The following FAAH2 variants were observed in gnomAD, a reference collection of about 807,000 sequenced individuals.
FAAH2 encodes fatty-acid amide hydrolase 2.
In FAAH2, 60 loss-of-function variants were observed where a neutral mutation model predicts 36.9. The observed-to-expected ratio is 1.63, with a 90% CI of 1.32 to 2.02. The LOEUF (loss-of-function observed/expected upper bound fraction) is 2.02, where lower values mean the gene tolerates loss of function less well. FAAH2 is among the 30% of genes most tolerant of loss of function. FAAH2 has a pLI of 0.00. For synonymous variants in FAAH2, 214 were observed against 143.8 expected (o/e 1.49, Z -3.49); for missense variants, 689 against 397.5 (o/e 1.73, Z -6.23).
At chrX:57,451,201 A>C (rs2056777591) in intron 10 of FAAH2, among the ~76,000 whole-genome samples, 1 of 111,582 alleles carries the variant, frequency 9.0e-6, no homozygotes, top group Non-Finnish European at 1.9e-5. Flanking sequence ...GAGGCTGAAC[A>C]GGGTCTCTCA....
intron 5 of FAAH2, among the ~76,000 whole-genome samples, chrX:57,350,939 A>G (rs888265470): frequency 9.0e-6 from 1 of 111,475 alleles, no homozygotes; most frequent in Non-Finnish European, 1.9e-5. Context: ...TGTCAAGACA[A>G]AAATTCAACA....
the FAAH2 span, among the ~76,000 whole-genome samples, chrX:57,214,992 C>A: frequency 9.3e-6 from 1 of 107,922 alleles, no homozygotes; most frequent in East Asian, 2.9e-4. Context: ...TTCTGTACAG[C>A]AAAAGAAACT....
chrX:57,178,821 G>A, the FAAH2 span, among the ~76,000 whole-genome samples: 2 of 111,686 alleles, frequency 1.8e-5, no homozygotes, highest in East Asian at 5.6e-4. Context: ...AGCTACTTGG[G>A]TTCCAGGCAG....
At chrX:57,189,093 C>T in the FAAH2 span, among the ~76,000 whole-genome samples, 1 of 110,645 alleles carries the variant, frequency 9.0e-6, no homozygotes, top group East Asian at 2.9e-4. Flanking sequence ...CCTTTTAACT[C>T]TTTTTTCTCT....
intron 10 of FAAH2, among the ~76,000 whole-genome samples, chrX:57,466,647 C>T (rs72621732): frequency 9.0e-6 from 1 of 110,643 alleles, no homozygotes; most frequent in East Asian, 2.8e-4. Flanking sequence ...ACAAAGGACA[C>T]AATTAAGATT....
intron 6 of FAAH2, among the ~76,000 whole-genome samples, chrX:57,380,057 C>A (rs112651540): frequency 9.0e-6 from 1 of 110,787 alleles, no homozygotes; most frequent in South Asian, 3.8e-4. Flanking sequence ...GCATAATAAT[C>A]GCTTCATGGA....
chrX:57,427,220 G>C (rs982057012), intron 7 of FAAH2, among the ~76,000 whole-genome samples: 2 of 110,522 alleles, frequency 1.8e-5, no homozygotes, highest in African/African-American at 6.5e-5. Context: ...GATCAGAAAT[G>C]AGTACTGAGA....
At chrX:57,305,352 G>GA (rs34246974) in intron 2 of FAAH2, among the ~76,000 whole-genome samples, 10 of 109,155 alleles carry the variant, frequency 9.2e-5, no homozygotes, top group South Asian at 7.6e-4. Flanking sequence ...AGAAAAACTG[G>GA]AAAAAAAAAT....
the FAAH2 span, among the ~76,000 whole-genome samples, chrX:57,211,290 C>G: frequency 8.9e-6 from 1 of 111,979 alleles, no homozygotes; most frequent in Non-Finnish European, 1.9e-5. Flanking sequence ...CTTGTGCTGC[C>G]TCTTTGGCAA....
chrX:57,475,994 T>A (rs1286685458), intron 10 of FAAH2, among the ~76,000 whole-genome samples: 1 of 111,472 alleles, frequency 9.0e-6, no homozygotes, highest in Non-Finnish European at 1.9e-5. Context: ...GCTGTCTGCT[T>A]GTCTATTGTT....
At chrX:57,152,353 GC>G in the FAAH2 span, among the ~76,000 whole-genome samples, 2 of 112,587 alleles carry the variant, frequency 1.8e-5, no homozygotes, top group Non-Finnish European at 3.8e-5. Flanking sequence ...CTTTGTCTGT[GC>G]CCTGCCCCCA....
chrX:57,461,315 T>A (rs963191138), intron 10 of FAAH2, among the ~76,000 whole-genome samples: 7 of 111,413 alleles, frequency 6.3e-5, no homozygotes, highest in African/African-American at 2.3e-4. Flanking sequence ...CTAATAGACA[T>A]CTGCAGAACT....
chrX:57,473,156 G>A (rs976048115), intron 10 of FAAH2, among the ~76,000 whole-genome samples: 2 of 111,094 alleles, frequency 1.8e-5, no homozygotes, highest in East Asian at 5.6e-4. Flanking sequence ...TCCTTTTCAT[G>A]TAGGCATTTA....
At chrX:57,407,978 T>C (rs942439884) in intron 7 of FAAH2, among the ~76,000 whole-genome samples, 1 of 112,022 alleles carries the variant, frequency 8.9e-6, no homozygotes, top group African/African-American at 3.2e-5. Flanking sequence ...GGATTTAGTT[T>C]TATTTGCTTT....
chrX:57,452,196 A>T (rs1282924347), intron 10 of FAAH2: 3 of 752,990 alleles, frequency 4.0e-6, no homozygotes, highest in Non-Finnish European at 4.7e-6. Context: ...GCCATACAGC[A>T]TTTTAAAGAT....
At chrX:57,278,647 A>C in the FAAH2 span, among the ~76,000 whole-genome samples, 4 of 107,551 alleles carry the variant, frequency 3.7e-5, no homozygotes, top group Admixed American at 2.0e-4. Context: ...ACAAAAAAAA[A>C]CCTATCATCA....
At chrX:57,355,381 G>A (rs1381442319) in intron 5 of FAAH2, among the ~76,000 whole-genome samples, 1 of 110,566 alleles carries the variant, frequency 9.0e-6, no homozygotes. Context: ...TAACAATTAG[G>A]TGTCAACCCA....
intron 3 of FAAH2, among the ~76,000 whole-genome samples, chrX:57,318,238 T>A (rs2052903326): frequency 9.0e-6 from 1 of 111,352 alleles, no homozygotes; most frequent in African/African-American, 3.3e-5. Flanking sequence ...GCTGGTTTTT[T>A]GAAAAGATTA....
At chrX:57,439,805 T>C (rs375064441) in intron 8 of FAAH2, among the ~76,000 whole-genome samples, 6 of 111,724 alleles carry the variant, frequency 5.4e-5, no homozygotes, top group Non-Finnish European at 7.5e-5. Context: ...GATCCAGTTT[T>C]AGCTTTCTAC....
Sources: allele counts gnomAD v4.1 joint callset (sites outside exome capture counted in the v4.1 genomes callset), GRCh38; gene constraint gnomAD v4.1.1; transcripts MANE v1.5; gene names NCBI Gene and HGNC (gene_info 2026-07-23, HGNC 2026-07-21).